NRF1: variants seen among roughly 807,000 people sequenced by gnomAD.
NRF1 encodes nuclear respiratory factor 1, also known as alpha palindromic-binding protein.
In NRF1, 5 loss-of-function variants were observed where a neutral mutation model predicts 58.5. That is an observed-to-expected ratio of 0.09 (90% CI 0.04 to 0.18). NRF1 has a LOEUF of 0.18. Ranked by LOEUF, NRF1 falls within the 10% of genes least tolerant of loss-of-function variation. The pLI is 1.00. For missense variants in NRF1, 288 were observed against 657.7 expected (o/e 0.44, Z 6.15); for synonymous variants, 224 against 246.7 (o/e 0.91, Z 0.86).
chr7:129,659,829 T>C (rs1801741722), intron 2 of NRF1, among the ~76,000 whole-genome samples: 1 of 152,234 alleles, frequency 6.6e-6, no homozygotes, highest in Non-Finnish European at 1.5e-5. Context: ...TGTATGTCTC[T>C]TAACCATCTG....
chr7:129,633,844 T>C (rs550624312), intron 1 of NRF1: 1 of 151,574 alleles, frequency 6.6e-6, no homozygotes, highest in South Asian at 2.1e-4. Context: ...AGAATAAATA[T>C]ATATAAACTA....
At chr7:129,677,862 C>T in intron 4 of NRF1, 104 bp downstream of exon 4, 1 of 1,390,714 alleles carries the variant, frequency 7.2e-7, no homozygotes, top group African/African-American at 1.4e-5. Flanking sequence ...TCTGTTACCC[C>T]CTAATCCAGG....
intron 1 of NRF1, among the ~76,000 whole-genome samples, chr7:129,640,253 A>G (rs1332094734): frequency 1.3e-5 from 2 of 152,198 alleles, no homozygotes; most frequent in Non-Finnish European, 2.9e-5. Flanking sequence ...GCTGTGGTTC[A>G]TGCCTGTAAT....
At position 129,646,793 on chromosome 7, in the gene NRF1, G is replaced by A. The variant is rs117631970; in HGVS notation, c.-6-10553G>A. On this transcript the variant is annotated intron_variant, in intron 1 of 10. Transcript: ENST00000393232. Reference sequence around the variant, plus strand: ...GTTGGCAGGCTCAGCCCCAGAGCGAGGAATAGTGCAACTCTGACAAGAATA... The same window carrying A: ...GTTGGCAGGCTCAGCCCCAGAGCGAAGAATAGTGCAACTCTGACAAGAATA... 1.7e-3 allele frequency among the ~76,000 whole-genome samples: 260 copies of A among 152,304 alleles called. 10 individuals are homozygous for A. The East Asian group carries it at 0.048, about 28-fold the overall frequency.
At chr7:129,653,812 C>G (rs1801592404) in intron 1 of NRF1, among the ~76,000 whole-genome samples, 2 of 152,134 alleles carry the variant, frequency 1.3e-5, no homozygotes, top group African/African-American at 4.8e-5. Flanking sequence ...CTTGAAAGCT[C>G]ATTTCTTTTT....
intron 3 of NRF1, among the ~76,000 whole-genome samples, chr7:129,673,064 G>A (rs1802086656): frequency 6.6e-6 from 1 of 152,114 alleles, no homozygotes; most frequent in African/African-American, 2.4e-5. Flanking sequence ...TGGAAACCAG[G>A]TACAAAAAGT....
At chr7:129,744,074 T>A in intron 10 of NRF1, 1 of 1,079,104 alleles carries the variant, frequency 9.3e-7, no homozygotes, top group East Asian at 2.7e-5. Flanking sequence ...CTGCACCAGA[T>A]GTGCATGGGA....
chr7:129,676,271 C>A (rs1427356619), intron 3 of NRF1, among the ~76,000 whole-genome samples: 1 of 152,224 alleles, frequency 6.6e-6, no homozygotes, highest in Non-Finnish European at 1.5e-5. Context: ...AAGGACTTTT[C>A]TTTGCATTAA....
chr7:129,619,393 C>CGTGTGT (rs56014058), intron 1 of NRF1, among the ~76,000 whole-genome samples: 1 of 42,186 alleles, frequency 2.4e-5, no homozygotes, highest in African/African-American at 9.3e-5. Flanking sequence ...ACTTGGCATA[C>CGTGTGT]GTGTATATAT....
At chr7:129,708,198 G>A (rs1802994499) in intron 5 of NRF1, among the ~76,000 whole-genome samples, 1 of 152,114 alleles carries the variant, frequency 6.6e-6, no homozygotes, top group South Asian at 2.1e-4. Flanking sequence ...TGGGAAGGAG[G>A]AATAGATCAT....
rs202140542 is a variant in NRF1, at chr7:129,754,170, A to AT, written c.1349-848_1349-847insT. ...CTTTTCTGATAGTCTGTTTTAAAAA[A>AT]ATCAAAATGGTCAGGGTTGGTGGTT... On this transcript the variant is annotated intron_variant, in intron 10 of 10. Coordinates refer to ENST00000393232, the MANE Select transcript of NRF1 (RefSeq NM_005011.5). Among the ~76,000 whole-genome samples, 326 of 152,248 alleles carry AT rather than the reference A, an allele frequency of 2.1e-3. 3 individuals carry two copies. In the East Asian group the frequency reaches 0.035, roughly 16 times the overall value.
intron 10 of NRF1, among the ~76,000 whole-genome samples, chr7:129,738,645 T>G (rs1803777318): frequency 6.6e-6 from 1 of 152,244 alleles, no homozygotes; most frequent in South Asian, 2.1e-4. Context: ...TTCTTTCATT[T>G]TGTTTTTTTA....
chr7:129,696,060 TAAAAAA>T (rs11434445), intron 5 of NRF1, among the ~76,000 whole-genome samples: 1 of 53,388 alleles, frequency 1.9e-5, no homozygotes, highest in Non-Finnish European at 2.9e-5. Flanking sequence ...CCGTCTCTAC[TAAAAAA>T]AAAAAAAAAA....
chr7:129,633,726 T>C (rs546726419), intron 1 of NRF1: 1 of 152,198 alleles, frequency 6.6e-6, no homozygotes, highest in Admixed American at 6.5e-5. Flanking sequence ...TTCCCACCAC[T>C]GCTCACCCTT....
intron 2 of NRF1, among the ~76,000 whole-genome samples, chr7:129,663,933 C>T (rs957306793): frequency 2.0e-5 from 3 of 152,136 alleles, no homozygotes; most frequent in Admixed American, 1.3e-4. Flanking sequence ...GAGACCAGTC[C>T]GGTCAACACG....
intron 1 of NRF1, among the ~76,000 whole-genome samples, chr7:129,648,372 C>T (rs1280252808): frequency 2.7e-5 from 4 of 150,706 alleles, no homozygotes; most frequent in Admixed American, 6.6e-5. Flanking sequence ...CTCCGCCTCC[C>T]GGGTTCACGC....
At chr7:129,723,480 A>G (rs1474267109) in intron 9 of NRF1, among the ~76,000 whole-genome samples, 1 of 152,072 alleles carries the variant, frequency 6.6e-6, no homozygotes, top group African/African-American at 2.4e-5. Context: ...AGTGGTTGGT[A>G]GTAGTGTTTA....
chr7:129,647,266 G>A (rs1487847337), intron 1 of NRF1, among the ~76,000 whole-genome samples: 3 of 152,078 alleles, frequency 2.0e-5, no homozygotes, highest in East Asian at 1.9e-4. Context: ...TCCAGACCTC[G>A]CGATCTGCCC....
At chr7:129,683,630 G>A (rs867089756) in intron 4 of NRF1, among the ~76,000 whole-genome samples, 11 of 133,516 alleles carry the variant, frequency 8.2e-5, no homozygotes, top group African/African-American at 2.5e-4. Context: ...ACAACTGGCC[G>A]GAATTTTTTT....
Sources: allele counts gnomAD v4.1 joint callset (sites outside exome capture counted in the v4.1 genomes callset), GRCh38; gene constraint gnomAD v4.1.1; transcripts MANE v1.5; gene names NCBI Gene and HGNC (gene_info 2026-07-23, HGNC 2026-07-21).